TTC28: variants seen among roughly 807,000 people sequenced by gnomAD.
The protein encoded by TTC28 is tetratricopeptide repeat domain 28.
A neutral mutation model predicts 198.0 loss-of-function variants in TTC28; 61 were observed. The observed-to-expected ratio is 0.31, with a 90% CI of 0.25 to 0.38. The LOEUF is 0.38. TTC28 is among the 10% of genes least tolerant of loss of function. The pLI, the probability that TTC28 is intolerant of heterozygous loss-of-function variation, is 1.00. For missense variants in TTC28, 2,678 were observed against 3,164.0 expected (o/e 0.85, Z 3.69); for synonymous variants, 1,171 against 1,297.8 (o/e 0.90, Z 2.10).
intron 7 of TTC28, among the ~76,000 whole-genome samples, chr22:28,106,244 C>T (rs1449873791): frequency 1.3e-5 from 2 of 152,188 alleles, no homozygotes; most frequent in African/African-American, 4.8e-5. Flanking sequence ...CCTTCCTCCA[C>T]TCCAGGAGCC....
In TTC28 at chr22:28,029,840, A is replaced by C. The variant is rs139605070; in HGVS notation, c.4073+386T>G. On this transcript the variant is annotated intron_variant, in intron 13 of 22. Coordinates refer to ENST00000397906, the MANE Select transcript of TTC28 (RefSeq NM_001145418.2). ...GACCTCCCCGAATCTCAGGCCAGGA[A>C]GTCAGTGCAGGTACCTGGCCCAGGA... Among the ~76,000 whole-genome samples, 15 of 152,318 alleles carry C rather than the reference A, an allele frequency of 9.8e-5. No individual in the cohort carries two copies. In the East Asian group the frequency reaches 2.9e-3, roughly 29 times the overall value.
rs563662635 is a variant in TTC28 at position 28,608,610 on chromosome 22, C to T, written c.381+20942G>A. ...ATCTAAAAATGTGCAGTACTGTGTG[C>T]ATTCCCAAGAAGGACCTAAGAAGCT... On this transcript the variant is annotated intron_variant, in intron 2 of 22. Coordinates refer to ENST00000397906, the MANE Select transcript of TTC28 (RefSeq NM_001145418.2). 5.9e-5 allele frequency among the ~76,000 whole-genome samples: 9 copies of T among 152,048 alleles called. No individual in the cohort carries two copies. In the South Asian group the frequency reaches 1.5e-3, roughly 25 times the overall value.
At chr22:28,512,168 A>G (rs1391836368) in intron 2 of TTC28, among the ~76,000 whole-genome samples, 2 of 152,206 alleles carry the variant, frequency 1.3e-5, no homozygotes, top group Non-Finnish European at 2.9e-5. Context: ...GAAGACATAC[A>G]TGAGGCCAAC....
rs931599481 is a variant in TTC28 at position 28,447,277 on chromosome 22, C to T, written c.382-140634G>A. Among the ~76,000 whole-genome samples, 12 of 151,930 alleles carry T rather than the reference C, an allele frequency of 7.9e-5. No individual in the cohort carries two copies. In the South Asian group the frequency reaches 8.3e-4, roughly 11 times the overall value. On this transcript the variant is annotated intron_variant, in intron 2 of 22. Coordinates refer to ENST00000397906, the MANE Select transcript of TTC28 (RefSeq NM_001145418.2). ...AAAAGGGAATTGTGAGGATTGTAAA[C>T]CTAAAGATACATGAATCATGTTAAA...
intron 2 of TTC28, among the ~76,000 whole-genome samples, chr22:28,590,128 ATT>A (rs1212753237): frequency 1.5e-5 from 2 of 135,134 alleles, no homozygotes; most frequent in Non-Finnish European, 1.6e-5. Context: ...CAATTTCTAA[ATT>A]TTTTTTTTTT....
chr22:28,270,538 A>T (rs1216557792), intron 5 of TTC28, among the ~76,000 whole-genome samples: 1 of 152,168 alleles, frequency 6.6e-6, no homozygotes, highest in East Asian at 1.9e-4. Flanking sequence ...ATTAAAAAAA[A>T]AACCCACAAA....
intron 2 of TTC28, among the ~76,000 whole-genome samples, chr22:28,593,686 ACT>A (rs2050481872): frequency 6.6e-6 from 1 of 152,148 alleles, no homozygotes; most frequent in African/African-American, 2.4e-5. Context: ...TTTACTGTAC[ACT>A]CTTTTTGTAC....
At chr22:28,620,444 G>C (rs2050976498) in intron 2 of TTC28, among the ~76,000 whole-genome samples, 1 of 152,098 alleles carries the variant, frequency 6.6e-6, no homozygotes, top group Non-Finnish European at 1.5e-5. Flanking sequence ...TTAAAGTTGA[G>C]CAAACTTTGC....
intron 2 of TTC28, among the ~76,000 whole-genome samples, chr22:28,403,352 A>G (rs890163652): frequency 6.6e-6 from 1 of 152,190 alleles, no homozygotes. Context: ...TCCTCAGAAT[A>G]TTAATAATAC....
intron 1 of TTC28, among the ~76,000 whole-genome samples, chr22:28,669,849 A>C (rs2051850280): frequency 6.6e-6 from 1 of 152,164 alleles, no homozygotes; most frequent in Non-Finnish European, 1.5e-5. Flanking sequence ...CTATTTCCCA[A>C]AATATACCCA....
chr22:28,159,393 T>C (rs1167653669), intron 6 of TTC28, among the ~76,000 whole-genome samples: 1 of 152,168 alleles, frequency 6.6e-6, no homozygotes, highest in African/African-American at 2.4e-5. Flanking sequence ...TGGTGGCTCA[T>C]GCCTGTAATC....
intron 2 of TTC28, among the ~76,000 whole-genome samples, chr22:28,347,271 GAAAAAAAA>G (rs201082591): frequency 1.3e-4 from 15 of 115,864 alleles, no homozygotes; most frequent in Non-Finnish European, 2.8e-4. Context: ...CTCAAAAGAG[GAAAAAAAA>G]AAAAAACAAA....
chr22:28,571,814 G>A (rs1214092090), intron 2 of TTC28, among the ~76,000 whole-genome samples: 1 of 151,916 alleles, frequency 6.6e-6, no homozygotes, highest in African/African-American at 2.4e-5. Context: ...CGGGTGTGGT[G>A]GAACATGCCT....
chr22:27,996,809 A>T (rs1937561337), intron 16 of TTC28, among the ~76,000 whole-genome samples: 4 of 152,226 alleles, frequency 2.6e-5, no homozygotes, highest in Admixed American at 2.6e-4. Flanking sequence ...AGGCAACTTT[A>T]GGACCAACCT....
chr22:28,418,835 C>A (rs953585873), intron 2 of TTC28, among the ~76,000 whole-genome samples: 1 of 152,146 alleles, frequency 6.6e-6, no homozygotes, highest in African/African-American at 2.4e-5. Flanking sequence ...TGAAACATGT[C>A]CATTTGCTTT....
rs1360724468 is a variant in TTC28, at chr22:28,107,694, T to G, written c.2151A>C (p.Leu717=). 1 of 1,551,650 alleles carries G rather than the reference T, an allele frequency of 6.4e-7. No homozygotes were observed. Among genetic ancestry groups the G allele is most frequent in the Non-Finnish European group, 8.7e-7 (1 of 1,147,002 alleles). Residue 717 remains leucine, a synonymous_variant, in exon 7 of 23, where the codon CTA becomes CTC. Transcript: ENST00000397906. ...LNNSQAKFRA[L]GNLGDIFICK... is the part of the protein sequence containing the mutation. Reference sequence around the variant, plus strand: ...AGATGAATATATCGCCCAGGTTTCCTAGGGCTCGAAATTTAGCCTGGGAAT... The same window carrying G: ...AGATGAATATATCGCCCAGGTTTCCGAGGGCTCGAAATTTAGCCTGGGAAT...
chr22:28,530,552 C>T (rs1177649730), intron 2 of TTC28, among the ~76,000 whole-genome samples: 1 of 152,118 alleles, frequency 6.6e-6, no homozygotes, highest in Non-Finnish European at 1.5e-5. Context: ...TCAGGAAATA[C>T]AGAGAACGCC....
chr22:28,256,220 G>A (rs897804583), intron 5 of TTC28, among the ~76,000 whole-genome samples: 14 of 151,818 alleles, frequency 9.2e-5, no homozygotes, highest in East Asian at 7.8e-4. Context: ...TCAGGAGTTC[G>A]AGACCAGCCT....
At chr22:28,239,299 C>T (rs1374516934) in intron 5 of TTC28, among the ~76,000 whole-genome samples, 1 of 152,032 alleles carries the variant, frequency 6.6e-6, no homozygotes, top group Non-Finnish European at 1.5e-5. Flanking sequence ...CCACATGTGG[C>T]TATTGAGAAC....
Sources: gnomAD v4.1 joint callset for allele counts (sites outside exome capture counted in the v4.1 genomes callset) on GRCh38, gnomAD v4.1.1 for gene constraint, MANE v1.5 for transcripts, NCBI Gene and HGNC (gene_info 2026-07-23, HGNC 2026-07-21) for gene names.